The following KLHDC10 variants were observed in gnomAD, a reference collection of about 807,000 sequenced individuals.
The protein encoded by KLHDC10 is kelch domain-containing protein 10.
Under a neutral mutation model 56.1 loss-of-function variants are expected in KLHDC10, and 24 were observed. That is an observed-to-expected ratio of 0.43 (90% confidence interval 0.31 to 0.60). KLHDC10 has a LOEUF of 0.60. KLHDC10 is among the 20% of genes least tolerant of loss of function. The probability of loss-of-function intolerance (pLI) is 0.11; values close to 1 mark genes in which losing one functional copy is unlikely to be tolerated. For missense variants in KLHDC10, 349 were observed against 567.0 expected (o/e 0.62, Z 3.91); for synonymous variants, 188 against 207.1 (o/e 0.91, Z 0.79).
At position 130,126,077 on chromosome 7, in the gene KLHDC10, A is replaced by T. The variant is rs1234356916; in HGVS notation, c.931+146A>T. The T allele has an allele frequency of 6.3e-6, 4 of 636,710 alleles. 1 individual carries two copies. Among genetic ancestry groups the T allele is most frequent in the Middle Eastern group, 8.7e-4 (2 of 2,296 alleles). 39.4% of individuals were successfully genotyped at this position (636,710 alleles called of 1,614,324 possible). A position where few individuals can be genotyped will look rare whatever the true frequency, so the allele number is the denominator to read the frequency against. ...CGCATTGTCTCACGCCTATAATCTC[A>T]GCACTTTGGGAGGCCAAGGCTTGAG... On this transcript the variant is annotated intron_variant, in intron 7 of 9. Transcript: ENST00000335420.
intron 2 of KLHDC10, among the ~76,000 whole-genome samples, chr7:130,114,981 C>G (rs183366227): frequency 4.9e-4 from 74 of 152,224 alleles, no homozygotes; most frequent in Middle Eastern, 3.4e-3. Context: ...CCATCAAAGA[C>G]TTTCAAACAC....
At position 130,120,907 on chromosome 7, in the gene KLHDC10, C is replaced by T. The variant is rs1366855442; in HGVS notation, c.630+4C>T. 6.2e-7 allele frequency: 1 copy of T among 1,613,298 alleles called. No individual in the cohort carries two copies. On this transcript the variant is annotated splice_donor_region_variant and intron_variant, in intron 4 of 9. Transcript: ENST00000335420. The surrounding 1 kb of genome is among the most constrained non-coding windows in gnomAD (Gnocchi z 5.1). ...ACCCAGTCGTATATATGGACAGGTACCAATCTGTGGCCAGTCATGGTGTAT... is the reference window on the plus strand; with the variant it reads ...ACCCAGTCGTATATATGGACAGGTATCAATCTGTGGCCAGTCATGGTGTAT...
At chr7:130,074,310 G>A (rs577950943) in intron 1 of KLHDC10, among the ~76,000 whole-genome samples, 1 of 152,082 alleles carries the variant, frequency 6.6e-6, no homozygotes, top group South Asian at 2.1e-4. Context: ...GAAGCCTTCC[G>A]TGACTTTCTG....
intron 2 of KLHDC10, among the ~76,000 whole-genome samples, chr7:130,099,595 G>C (rs1795901708): frequency 6.6e-6 from 1 of 152,102 alleles, no homozygotes; most frequent in Non-Finnish European, 1.5e-5. Flanking sequence ...AAACCATGGG[G>C]ATCAGGCAGC....
Position 130,108,572 on chromosome 7 carries a change from A to AAAAAAAAAAAAT in KLHDC10, c.254-7872_254-7871insAAAAAAAAAATA, listed in dbSNP as rs1405437913. On this transcript the variant is annotated intron_variant, in intron 2 of 9. Transcript: ENST00000335420. Reference sequence around the variant, plus strand: ...CCAAATATCCAAAAAAAAAAAAAAAAAGCTGGGCGTGGTGGTGCGCGCCTG... The same window carrying AAAAAAAAAAAAT: ...CCAAATATCCAAAAAAAAAAAAAAAAAAAAAAAAAAATAGCTGGGCGTGGTGGTGCGCGCCTG... Among the ~76,000 whole-genome samples the AAAAAAAAAAAAT allele has an allele frequency of 3.3e-3, 479 of 144,008 alleles. 8 individuals carry two copies. Among genetic ancestry groups the AAAAAAAAAAAAT allele is most frequent in the African/African-American group, 0.012 (463 of 38,158 alleles). 94.5% of individuals were successfully genotyped at this position (144,008 alleles called of 152,430 possible).
intron 1 of KLHDC10, among the ~76,000 whole-genome samples, chr7:130,093,111 G>T (rs1474997744): frequency 6.6e-6 from 1 of 151,490 alleles, no homozygotes; most frequent in African/African-American, 2.4e-5. Flanking sequence ...CAATGACTAT[G>T]TTATATTTAT....
chr7:130,085,892 T>C (rs1485635339), intron 1 of KLHDC10, among the ~76,000 whole-genome samples: 1 of 151,688 alleles, frequency 6.6e-6, no homozygotes, highest in Non-Finnish European at 1.5e-5. Context: ...GTGGACTTTG[T>C]ACTACCATTA....
chr7:130,079,321 G>T (rs113116297), intron 1 of KLHDC10, among the ~76,000 whole-genome samples: 1 of 151,978 alleles, frequency 6.6e-6, no homozygotes, highest in Admixed American at 6.6e-5. Context: ...GCCTCCCAAA[G>T]TGCTGGGATT....
At chr7:130,080,900 A>G (rs995486536) in intron 1 of KLHDC10, among the ~76,000 whole-genome samples, 3 of 151,754 alleles carry the variant, frequency 2.0e-5, no homozygotes, top group Non-Finnish European at 4.4e-5. Context: ...ATTTTGTATT[A>G]TGTGAGGCTT....
chr7:130,120,073 A>G lies in KLHDC10; in HGVS notation c.476-676A>G, dbSNP rs541252998. Among the ~76,000 whole-genome samples the G allele has an allele frequency of 9.5e-4, 144 of 152,356 alleles. 1 individual carries two copies. The highest frequency in any genetic ancestry group is 2.3e-3 in the East Asian group (12 of 5,188). On this transcript the variant is annotated intron_variant, in intron 3 of 9. Coordinates refer to ENST00000335420, the MANE Select transcript of KLHDC10 (RefSeq NM_014997.4). The surrounding 1 kb of genome is among the most constrained non-coding windows in gnomAD (Gnocchi z 5.1). ...GTAGAGGATTAAAATGACAGAAACC[A>G]TAATTGTAAATTTAGAAATCATTCT...
intron 1 of KLHDC10, among the ~76,000 whole-genome samples, chr7:130,090,006 C>T (rs186295705): frequency 1.9e-3 from 285 of 152,004 alleles, no homozygotes; most frequent in East Asian, 2.9e-3. Flanking sequence ...CTCAGCCTCC[C>T]GAGTAGCTGG....
intron 1 of KLHDC10, among the ~76,000 whole-genome samples, chr7:130,077,560 T>C (rs1435193692): frequency 7.3e-6 from 1 of 137,714 alleles, no homozygotes; most frequent in Non-Finnish European, 1.6e-5. Flanking sequence ...TCTTTCTTTT[T>C]TTTTTTTTTT....
At chr7:130,129,324 G>T in intron 8 of KLHDC10, 113 bp from the exon 9 acceptor site, 1 of 1,193,432 alleles carries the variant, frequency 8.4e-7, no homozygotes. Context: ...CTGTGTCATG[G>T]GGCAATCCAC....
intron 1 of KLHDC10, among the ~76,000 whole-genome samples, chr7:130,074,888 C>T (rs1259832758): frequency 1.3e-5 from 2 of 152,094 alleles, no homozygotes; most frequent in African/African-American, 2.4e-5. Context: ...GGATTACAGG[C>T]GTGAGCCACC....
chr7:130,134,983 T>C lies in KLHDC10; in HGVS notation c.*4237T>C, dbSNP rs1198778119. 1 of 151,832 alleles carries C rather than the reference T, an allele frequency of 6.6e-6. No individual in the cohort carries two copies. The allele number at this position is 151,832 out of a possible 1,614,324, so 9.4% of individuals were successfully genotyped here. A position where few individuals can be genotyped will look rare whatever the true frequency, so the allele number is the denominator to read the frequency against. On this transcript the variant is annotated 3_prime_UTR_variant, in exon 10 of 10. Coordinates refer to ENST00000335420, the MANE Select transcript of KLHDC10 (RefSeq NM_014997.4). ...GCCTTTCCCTTCTAAGGTCATTAGA[T>C]TCAGCCAAAAGCGACCTCTTCTCTA...
intron 3 of KLHDC10, chr7:130,117,706 C>T (rs144287961): frequency 2.6e-5 from 4 of 152,114 alleles, no homozygotes; most frequent in Admixed American, 2.6e-4. Context: ...AAAAAATTAA[C>T]CAGGCATGGT....
At chr7:130,089,991 C>A (rs1252701100) in intron 1 of KLHDC10, among the ~76,000 whole-genome samples, 1 of 151,918 alleles carries the variant, frequency 6.6e-6, no homozygotes, top group Admixed American at 6.5e-5. Flanking sequence ...AAGCAATTCT[C>A]CTGCCTCAGC....
chr7:130,110,793 T>G (rs1796089708), intron 2 of KLHDC10, among the ~76,000 whole-genome samples: 1 of 152,228 alleles, frequency 6.6e-6, no homozygotes, highest in Non-Finnish European at 1.5e-5. Flanking sequence ...ATAAGTTTTT[T>G]TTTAAAATGG....
chr7:130,087,944 A>G (rs1353233735), intron 1 of KLHDC10, among the ~76,000 whole-genome samples: 1 of 151,642 alleles, frequency 6.6e-6, no homozygotes, highest in African/African-American at 2.4e-5. Context: ...TATCTTTAGT[A>G]GTGATAGGGT....
Sources: allele counts gnomAD v4.1 joint callset (sites outside exome capture counted in the v4.1 genomes callset), GRCh38; gene constraint gnomAD v4.1.1; non-coding constraint Gnocchi (gnomAD v3.1); transcripts MANE v1.5; gene names NCBI Gene and HGNC (gene_info 2026-07-23, HGNC 2026-07-21).